KLHL32: variants seen among roughly 807,000 people sequenced by gnomAD.
KLHL32 encodes kelch-like protein 32.
Under a neutral mutation model 64.8 loss-of-function variants are expected in KLHL32, and 35 were observed. The observed-to-expected ratio is 0.54, with a 90% CI of 0.41 to 0.72. The LOEUF (loss-of-function observed/expected upper bound fraction) is 0.72. Among genes scored for constraint, KLHL32 ranks in the 30% least tolerant of loss-of-function variants. The pLI, the probability that KLHL32 is intolerant of heterozygous loss-of-function variation, is 0.00. For missense variants in KLHL32, 589 were observed against 768.5 expected, an observed-to-expected ratio of 0.77 and a Z score of 2.76; for synonymous variants, 259 against 281.0, an observed-to-expected ratio of 0.92 and a Z score of 0.78.
intron 3 of KLHL32, among the ~76,000 whole-genome samples, chr6:97,023,111 A>G (rs1782237831): frequency 6.6e-6 from 1 of 152,222 alleles, no homozygotes; most frequent in Admixed American, 6.5e-5. Context: ...ACATGTGGGG[A>G]TTATGAGGAT....
chr6:96,921,793 G>A (rs1768762782), upstream of KLHL32, among the ~76,000 whole-genome samples: 2 of 152,080 alleles, frequency 1.3e-5, 1 homozygote, highest in South Asian at 4.2e-4. Flanking sequence ...AGAGCTGTTA[G>A]AATACAGACT....
intron 1 of KLHL32, among the ~76,000 whole-genome samples, chr6:96,953,596 C>G (rs147808027): frequency 0.036 from 5,407 of 151,950 alleles, 121 homozygotes; most frequent in Non-Finnish European, 0.054. Context: ...TACCACTGTA[C>G]TCCAGCCTGG....
intron 6 of KLHL32, among the ~76,000 whole-genome samples, chr6:97,090,158 T>G (rs539865881): frequency 1.1e-4 from 16 of 152,142 alleles, no homozygotes; most frequent in Non-Finnish European, 1.8e-4. Flanking sequence ...TAATAATAAA[T>G]AAAAACAACA....
At chr6:97,050,152 A>G (rs1428569971) in intron 4 of KLHL32, among the ~76,000 whole-genome samples, 1 of 152,252 alleles carries the variant, frequency 6.6e-6, no homozygotes, top group East Asian at 1.9e-4. Context: ...CCACCCTTCT[A>G]AGATCAGCTT....
At chr6:96,962,139 A>G (rs1303599080) in intron 1 of KLHL32, among the ~76,000 whole-genome samples, 1 of 152,214 alleles carries the variant, frequency 6.6e-6, no homozygotes, top group Non-Finnish European at 1.5e-5. Flanking sequence ...GCTCACTATT[A>G]TGGTTTAATA....
intron 4 of KLHL32, among the ~76,000 whole-genome samples, chr6:97,051,936 A>G (rs996265794): frequency 6.6e-6 from 1 of 152,178 alleles, no homozygotes; most frequent in Admixed American, 6.5e-5. Context: ...TTTTACACAT[A>G]AAGGATCCCC....
chr6:97,047,101 G>T (rs983188166), intron 4 of KLHL32, among the ~76,000 whole-genome samples: 16 of 152,192 alleles, frequency 1.1e-4, no homozygotes, highest in African/African-American at 3.9e-4. Flanking sequence ...CCTACACATT[G>T]CTCTAAAGTG....
chr6:97,013,594 A>G (rs1054469457), intron 3 of KLHL32, among the ~76,000 whole-genome samples: 4 of 152,208 alleles, frequency 2.6e-5, no homozygotes, highest in African/African-American at 9.6e-5. Context: ...TCTAACAATG[A>G]AATACCCAGT....
At chr6:96,905,994 C>G in the KLHL32 span, among the ~76,000 whole-genome samples, 1 of 152,206 alleles carries the variant, frequency 6.6e-6, no homozygotes, top group African/African-American at 2.4e-5. Flanking sequence ...GCAGGCACAG[C>G]TCTGCCTTTT....
At chr6:96,990,417 T>C (rs1015614797) in intron 3 of KLHL32, among the ~76,000 whole-genome samples, 2 of 152,174 alleles carry the variant, frequency 1.3e-5, no homozygotes, top group African/African-American at 4.8e-5. Flanking sequence ...TTAAGTATAA[T>C]GGTAAGTTCT....
intron 3 of KLHL32, among the ~76,000 whole-genome samples, chr6:96,989,210 A>G (rs573944806): frequency 1.3e-5 from 2 of 152,306 alleles, no homozygotes; most frequent in African/African-American, 2.4e-5. Flanking sequence ...GCCTATATAC[A>G]TAAGTGTTTT....
intron 3 of KLHL32, among the ~76,000 whole-genome samples, chr6:96,978,942 T>G (rs998938917): frequency 3.3e-5 from 5 of 152,180 alleles, no homozygotes; most frequent in Non-Finnish European, 5.9e-5. Context: ...CATGTATGTC[T>G]TTTTTTGAAA....
At chr6:96,989,475 T>C (rs1777581577) in intron 3 of KLHL32, among the ~76,000 whole-genome samples, 1 of 152,214 alleles carries the variant, frequency 6.6e-6, no homozygotes, top group African/African-American at 2.4e-5. Flanking sequence ...GCTGTTAGCT[T>C]GATGGGTTTC....
chr6:96,954,450 C>T (rs747296400), intron 1 of KLHL32, among the ~76,000 whole-genome samples: 1 of 151,282 alleles, frequency 6.6e-6, no homozygotes, highest in South Asian at 2.1e-4. Context: ...TGTTATGCAG[C>T]GATTACCCCA....
the KLHL32 span, among the ~76,000 whole-genome samples, chr6:96,907,704 C>T: frequency 2.6e-5 from 4 of 152,140 alleles, no homozygotes; most frequent in South Asian, 2.1e-4. Context: ...CAACTTAACT[C>T]GCCCAGCTCA....
intron 1 of KLHL32, among the ~76,000 whole-genome samples, chr6:96,926,223 C>T (rs1410429341): frequency 2.0e-5 from 3 of 152,194 alleles, no homozygotes; most frequent in Non-Finnish European, 4.4e-5. Context: ...ATTTGTTCAT[C>T]TTTTCTACTT....
chr6:97,135,345 A>G (rs920266737), intron 10 of KLHL32, among the ~76,000 whole-genome samples: 16 of 122,788 alleles, frequency 1.3e-4, no homozygotes, highest in Non-Finnish European at 2.5e-4. Context: ...TTGCTCTGTC[A>G]CCCAGGCTGG....
chr6:97,016,350 T>C (rs901855560), intron 3 of KLHL32, among the ~76,000 whole-genome samples: 4 of 152,208 alleles, frequency 2.6e-5, no homozygotes, highest in African/African-American at 9.6e-5. Context: ...GGAGCCCACC[T>C]CTTGCATCAG....
intron 1 of KLHL32, among the ~76,000 whole-genome samples, chr6:96,935,339 G>C (rs1198461421): frequency 1.3e-5 from 2 of 152,144 alleles, no homozygotes; most frequent in East Asian, 3.8e-4. Context: ...TTGACTTGAA[G>C]AAAAAGTCTT....
Sources: gnomAD v4.1 joint callset for allele counts (sites outside exome capture counted in the v4.1 genomes callset) on GRCh38, gnomAD v4.1.1 for gene constraint, MANE v1.5 for transcripts, NCBI Gene and HGNC (gene_info 2026-07-23, HGNC 2026-07-21) for gene names.